Variants in PLXNA2 observed in about 807,000 individuals in gnomAD.
The protein encoded by PLXNA2 is plexin-A2.
PLXNA2 carries 91 observed loss-of-function variants against 193.5 expected under a neutral mutation model. The observed-to-expected ratio is 0.47, with a 90% CI of 0.40 to 0.56. The LOEUF is 0.56. Among genes scored for constraint, PLXNA2 ranks in the 20% least tolerant of loss-of-function variants. The probability of loss-of-function intolerance (pLI) is 0.00; values close to 1 mark genes in which losing one functional copy is unlikely to be tolerated. For synonymous variants in PLXNA2, 997 were observed against 1,027.3 expected (o/e 0.97, Z 0.56); for missense variants, 1,995 against 2,503.2 (o/e 0.80, Z 4.33).
intron 28 of PLXNA2, 111 bp downstream of exon 28, chr1:208,033,208 T>C (rs1020661451): frequency 1.9e-6 from 2 of 1,056,090 alleles, no homozygotes; most frequent in African/African-American, 1.6e-5. Context: ...ACCTGGACTG[T>C]CTGAATGGGT....
intron 1 of PLXNA2, among the ~76,000 whole-genome samples, chr1:208,243,340 G>A (rs1018389994): frequency 1.3e-5 from 2 of 152,124 alleles, no homozygotes; most frequent in Non-Finnish European, 2.9e-5. Context: ...CGCGGTGGAG[G>A]CGCGCCGCGG....
At chr1:208,121,464 G>C (rs181758286) in intron 4 of PLXNA2, among the ~76,000 whole-genome samples, 1,754 of 152,300 alleles carry the variant, frequency 0.012, 53 homozygotes, top group East Asian at 0.091. Context: ...ACCAGGTGGA[G>C]GTAATTGAAT....
At position 208,210,343 on chromosome 1, in the gene PLXNA2, G is replaced by T; in HGVS notation, c.1308C>A (p.Ala436=). Residue 436 remains alanine, a synonymous_variant, in exon 3 of 32, where the codon GCC becomes GCA. Transcript: ENST00000367033. ...CGCTGTAGCCGTTGTAAACGTAGGA[G>T]GCCACAGAGGTCATGCGGTCCCTGC... ...TTSRDRMTSV[A]SYVYNGYSVV... is the part of the protein sequence containing the mutation. 1.9e-6 allele frequency: 3 copies of T among 1,614,048 alleles called. No homozygotes were observed. The highest frequency in any genetic ancestry group is 1.1e-5 in the South Asian group (1 of 91,076).
At chr1:208,144,621 C>T (rs972805294) in intron 3 of PLXNA2, among the ~76,000 whole-genome samples, 12 of 152,232 alleles carry the variant, frequency 7.9e-5, no homozygotes, top group Admixed American at 5.2e-4. Context: ...CTTTGCTGGG[C>T]GACTTGGGGG....
At chr1:208,151,469 G>A (rs1361912629) in intron 3 of PLXNA2, among the ~76,000 whole-genome samples, 1 of 152,110 alleles carries the variant, frequency 6.6e-6, no homozygotes, top group African/African-American at 2.4e-5. Flanking sequence ...AATAGGGTGT[G>A]GTGAGAACTG....
intron 6 of PLXNA2, among the ~76,000 whole-genome samples, chr1:208,098,454 TCTCTCACACACACACACA>T (rs1187582216): frequency 1.1e-4 from 12 of 105,974 alleles, no homozygotes; most frequent in Non-Finnish European, 2.5e-4. Flanking sequence ...TCTCTCTCTC[TCTCTCACACACACACACA>T]CACACACACA....
Position 208,210,450 on chromosome 1 carries a change from C to A in PLXNA2, c.1201G>T (p.Asp401Tyr). Residue 401 changes from aspartate (D) to tyrosine (Y), a missense_variant, in exon 3 of 32, where the codon GAT becomes TAT. This residue lies in a region of PLXNA2 where 702 missense variants were observed against 812.9 expected (regional missense o/e 0.86). Transcript: ENST00000367033. ...VQCTKAPVPI[D>Y]DNFCGLDINQ... ...ATGTCCAGTCCACAGAAGTTATCAT[C>A]GATGGGGACAGGCTGGAGGGAAGCG... 1 of 1,612,554 alleles carries A rather than the reference C, an allele frequency of 6.2e-7. No homozygotes were observed. Among genetic ancestry groups the A allele is most frequent in the Non-Finnish European group, 8.5e-7 (1 of 1,178,968 alleles).
At chr1:208,175,065 C>A (rs1430458288) in intron 3 of PLXNA2, among the ~76,000 whole-genome samples, 1 of 152,158 alleles carries the variant, frequency 6.6e-6, no homozygotes, top group Non-Finnish European at 1.5e-5. Flanking sequence ...CTCGTGGGAG[C>A]TCCTGTACCC....
intron 4 of PLXNA2, among the ~76,000 whole-genome samples, chr1:208,107,730 T>C (rs1440707774): frequency 6.6e-6 from 1 of 152,198 alleles, no homozygotes; most frequent in Non-Finnish European, 1.5e-5. Context: ...TATTATTGCA[T>C]TTTAATTATG....
chr1:208,048,837 C>T (rs941398253), intron 17 of PLXNA2, among the ~76,000 whole-genome samples: 2 of 152,178 alleles, frequency 1.3e-5, no homozygotes, highest in African/African-American at 4.8e-5. Context: ...ACATCTGGGG[C>T]CTTGCTGACT....
chr1:208,134,283 A>G lies in PLXNA2; in HGVS notation c.1506+8046T>C, dbSNP rs61815419. ...TTAATAGCCAGAGAATCAGCTCCCT[A>G]TCAGCCTCTTTGTTCCTTGACATTT... is the stretch of plus-strand genomic sequence containing the variant. On this transcript the variant is annotated intron_variant, in intron 4 of 31. Coordinates refer to ENST00000367033, the MANE Select transcript of PLXNA2 (RefSeq NM_025179.4). Among the ~76,000 whole-genome samples the G allele has an allele frequency of 8.2e-3, 1,247 of 152,306 alleles. 12 individuals carry two copies. Among genetic ancestry groups the G allele is most frequent in the Non-Finnish European group, 0.012 (821 of 68,030 alleles).
At chr1:208,113,241 G>T (rs1436330203) in intron 4 of PLXNA2, among the ~76,000 whole-genome samples, 7 of 152,162 alleles carry the variant, frequency 4.6e-5, no homozygotes, top group African/African-American at 1.7e-4. Context: ...CCCCAGGAGG[G>T]GGAAAGGTGA....
intron 24 of PLXNA2, among the ~76,000 whole-genome samples, 197 bp downstream of exon 24, chr1:208,039,424 C>G (rs911982744): frequency 2.7e-5 from 4 of 146,056 alleles, no homozygotes; most frequent in Admixed American, 2.0e-4. Context: ...TAGGATAAAC[C>G]GAGGCATAGA....
chr1:208,166,343 A>C (rs570070715), intron 3 of PLXNA2, among the ~76,000 whole-genome samples: 1 of 152,232 alleles, frequency 6.6e-6, no homozygotes, highest in East Asian at 1.9e-4. Flanking sequence ...CATTGCTGGA[A>C]CCCTCAGCAG....
chr1:208,177,422 G>A (rs1405823765), intron 3 of PLXNA2, among the ~76,000 whole-genome samples: 4 of 152,098 alleles, frequency 2.6e-5, no homozygotes, highest in Non-Finnish European at 5.9e-5. Context: ...TTTGTAAATG[G>A]GGATAATAAT....
chr1:208,104,260 A>T (rs149552678), intron 4 of PLXNA2, among the ~76,000 whole-genome samples: 1 of 152,324 alleles, frequency 6.6e-6, no homozygotes, highest in African/African-American at 2.4e-5. Context: ...TATGACGGAG[A>T]CATCTCCACG....
At chr1:208,071,077 C>T (rs2102366948) in intron 12 of PLXNA2, among the ~76,000 whole-genome samples, 1 of 152,236 alleles carries the variant, frequency 6.6e-6, no homozygotes, top group Non-Finnish European at 1.5e-5. Flanking sequence ...CCTCTATGGG[C>T]CTGCACAGCT....
chr1:208,126,441 C>T (rs1470753753), intron 4 of PLXNA2, among the ~76,000 whole-genome samples: 2 of 152,162 alleles, frequency 1.3e-5, no homozygotes, highest in Non-Finnish European at 2.9e-5. Context: ...CTGCCCAGTG[C>T]TACCAAGGCT....
rs1269145277 is a variant in PLXNA2 at position 208,236,188 on chromosome 1, G to A, written c.-81+7455C>T. Among the ~76,000 whole-genome samples the A allele has an allele frequency of 1.3e-5, 2 of 152,090 alleles. No homozygotes were observed. Among genetic ancestry groups the A allele is most frequent in the African/African-American group, 4.8e-5 (2 of 41,412 alleles). ...GAGCCTGGGTCTTCCTGTCTGGCTTGGGCTGGGCTCCCGCTAAGAACGCTG... is the reference window on the plus strand; with the variant it reads ...GAGCCTGGGTCTTCCTGTCTGGCTTAGGCTGGGCTCCCGCTAAGAACGCTG... On this transcript the variant is annotated intron_variant, in intron 1 of 31. Coordinates refer to ENST00000367033, the MANE Select transcript of PLXNA2 (RefSeq NM_025179.4). The surrounding 1 kb of genome is among the most constrained non-coding windows in gnomAD (Gnocchi z 4.4).
Sources: allele counts gnomAD v4.1 joint callset (sites outside exome capture counted in the v4.1 genomes callset), GRCh38; gene constraint gnomAD v4.1.1; regional missense constraint gnomAD v4.1.1; non-coding constraint Gnocchi (gnomAD v3.1); transcripts MANE v1.5; gene names NCBI Gene and HGNC (gene_info 2026-07-23, HGNC 2026-07-21).